DCX: variants seen among roughly 807,000 people sequenced by gnomAD.
The protein encoded by DCX is neuronal migration protein doublecortin.
Under a neutral mutation model 20.9 loss-of-function variants are expected in DCX, and 4 were observed. The observed-to-expected ratio is 0.19, with a 90% confidence interval of 0.09 to 0.44. The LOEUF (loss-of-function observed/expected upper bound fraction) is 0.44, where lower values mean the gene tolerates loss of function less well. Among genes scored for constraint, DCX ranks in the 20% least tolerant of loss-of-function variants. DCX has a pLI of 0.99. For missense variants in DCX, 133 were observed against 296.9 expected (o/e 0.45, Z 4.06); for synonymous variants, 103 against 111.4 (o/e 0.92, Z 0.47).
intron 3 of DCX, among the ~76,000 whole-genome samples, chrX:111,390,902 G>T (rs1290200238): frequency 9.2e-6 from 1 of 109,042 alleles, no homozygotes; most frequent in African/African-American, 3.4e-5. Flanking sequence ...AAGAAGCTGA[G>T]GCTGAGGTGG....
chrX:111,355,912 C>T (rs1235916380), intron 3 of DCX, among the ~76,000 whole-genome samples: 5 of 111,619 alleles, frequency 4.5e-5, no homozygotes, highest in Non-Finnish European at 7.5e-5. Context: ...TAGTCATGGC[C>T]CCTGACCATT....
At position 111,331,003 on chromosome X, in the gene DCX, C is replaced by G; in HGVS notation, c.847G>C (p.Gly283Arg). 2 of 1,211,692 alleles carry G rather than the reference C, an allele frequency of 1.7e-6. No individual in the cohort carries two copies. The highest frequency in any genetic ancestry group is 2.2e-6 in the Non-Finnish European group (2 of 895,404). ...TGAGGTGTTGGGGATGCCTTTGGGC[C>G]AGCTGTGGCTGATGGGTTTCCCTTC... ...VMKGNPSATA[G>R]PKASPTPQKT... Residue 283 changes from glycine (G) to arginine (R), a missense_variant, in exon 5 of 7, where the codon GGC (glycine) becomes CGC (arginine). Physicochemically the swap from Gly to Arg is moderately radical, Grantham distance 125 (BLOSUM62 -2). Coordinates refer to ENST00000636035, the MANE Select transcript of DCX (RefSeq NM_001195553.2).
At chrX:111,303,340 C>A (rs961063322) in intron 6 of DCX, among the ~76,000 whole-genome samples, 2 of 110,116 alleles carry the variant, frequency 1.8e-5, no homozygotes, top group Non-Finnish European at 3.8e-5. Flanking sequence ...CACCCCCACC[C>A]CCACCGCCTT....
At chrX:111,355,021 G>T (rs1923615453) in intron 3 of DCX, among the ~76,000 whole-genome samples, 1 of 112,344 alleles carries the variant, frequency 8.9e-6, no homozygotes, top group Non-Finnish European at 1.9e-5. Flanking sequence ...GAGACAAGCT[G>T]CAGCCTTTTC....
At chrX:111,392,730 T>G (rs1024916971) in intron 3 of DCX, among the ~76,000 whole-genome samples, 1 of 112,004 alleles carries the variant, frequency 8.9e-6, no homozygotes, top group African/African-American at 3.2e-5. Context: ...TGTGAGCATA[T>G]TAAAATCATT....
rs2095020718 is a variant in DCX, at chrX:111,296,360, A to G, written c.*5327T>C. 1 of 111,615 alleles carries G rather than the reference A, an allele frequency of 9.0e-6. No individual in the cohort carries two copies. Among genetic ancestry groups the G allele is most frequent in the Admixed American group, 9.5e-5 (1 of 10,519 alleles). The allele number at this position is 111,615 out of a possible 1,213,427, so 9.2% of individuals were successfully genotyped here. A position where few individuals can be genotyped will look rare whatever the true frequency, so the allele number is the denominator to read the frequency against. ...GAGCAGAAAGATGCCTTAATTACCA[A>G]TTGGAATTCTATACTCCCCTAGTCT... On this transcript the variant is annotated 3_prime_UTR_variant, in exon 7 of 7. Coordinates refer to ENST00000636035, the MANE Select transcript of DCX (RefSeq NM_001195553.2).
rs748055520 is a variant in DCX at position 111,296,765 on chromosome X, CAAAAAAAAAAA to C, written c.*4911_*4921del. The stretch of plus-strand genomic sequence containing the variant: ...CCTAGGTGACAGAGGGAGACTCAGT[CAAAAAAAAAAA>C]AAAAAAAAAGTTAGTCTTGTCAAAT... On this transcript the variant is annotated 3_prime_UTR_variant, in exon 7 of 7. Transcript: ENST00000636035. 2.7e-5 allele frequency: 1 copy of C among 37,662 alleles called. No homozygotes were observed. The highest frequency in any genetic ancestry group is 5.5e-5 in the Non-Finnish European group (1 of 18,227). 3.1% of individuals were successfully genotyped at this position (37,662 alleles called of 1,213,427 possible).
chrX:111,375,947 GACA>G (rs1925499859), intron 3 of DCX, among the ~76,000 whole-genome samples: 1 of 111,919 alleles, frequency 8.9e-6, no homozygotes, highest in Non-Finnish European at 1.9e-5. Flanking sequence ...CAGCACCATG[GACA>G]ACACTATCAG....
chrX:111,350,822 T>G (rs2147671942), intron 3 of DCX, among the ~76,000 whole-genome samples: 1 of 112,271 alleles, frequency 8.9e-6, no homozygotes, highest in Non-Finnish European at 1.9e-5. Flanking sequence ...AGAAAGAGGT[T>G]TAACTGACTC....
intron 3 of DCX, among the ~76,000 whole-genome samples, chrX:111,397,826 C>T (rs866669811): frequency 9.2e-6 from 1 of 109,215 alleles, no homozygotes; most frequent in African/African-American, 3.3e-5. Context: ...TGTATATATA[C>T]ATACATATAC....
At chrX:111,406,115 A>G (rs774693099) in intron 2 of DCX, among the ~76,000 whole-genome samples, 1 of 112,289 alleles carries the variant, frequency 8.9e-6, no homozygotes, top group Admixed American at 9.4e-5. Flanking sequence ...AACTCCTACC[A>G]CTTTAGTTAG....
chrX:111,369,848 A>T (rs1301971797), intron 3 of DCX, among the ~76,000 whole-genome samples: 2 of 111,750 alleles, frequency 1.8e-5, no homozygotes, highest in African/African-American at 6.5e-5. Flanking sequence ...TTTAGGGTCC[A>T]CAACAGAGTC....
rs779704641 is a variant in DCX, at chrX:111,324,270, TC to T, written c.946+6633del. Among the ~76,000 whole-genome samples, 176 of 111,236 alleles carry T rather than the reference TC, an allele frequency of 1.6e-3. 1 individual carries two copies. Among genetic ancestry groups the T allele is most frequent in the African/African-American group, 5.5e-3 (168 of 30,630 alleles). On this transcript the variant is annotated intron_variant, in intron 5 of 6. Coordinates refer to ENST00000636035, the MANE Select transcript of DCX (RefSeq NM_001195553.2). ...CATGCTTCCCTGACAGCCAGAAGTA[TC>T]CATCTCCTTATCAATTTACATATAG...
chrX:111,386,747 C>T (rs1926550171), intron 3 of DCX, among the ~76,000 whole-genome samples: 2 of 111,474 alleles, frequency 1.8e-5, no homozygotes, highest in Admixed American at 1.9e-4. Context: ...TGCTAATCAA[C>T]TTTCACTCCA....
In DCX at chrX:111,368,307, T is replaced by G. The variant is rs189857852; in HGVS notation, c.705+32683A>C. On this transcript the variant is annotated intron_variant, in intron 3 of 6. Coordinates refer to ENST00000636035, the MANE Select transcript of DCX (RefSeq NM_001195553.2). ...AGATAACTGTGGTTTTAACACCAGC[T>G]CTTCCAAAACCATAGTCTGCACTTC... is the stretch of plus-strand genomic sequence containing the variant. 3.4e-3 allele frequency among the ~76,000 whole-genome samples: 375 copies of G among 111,612 alleles called. 3 individuals are homozygous for G. The highest frequency in any genetic ancestry group is 0.012 in the African/African-American group (354 of 30,739).
At chrX:111,407,613 C>T (rs1928301014) in intron 2 of DCX, among the ~76,000 whole-genome samples, 1 of 111,662 alleles carries the variant, frequency 9.0e-6, no homozygotes, top group African/African-American at 3.3e-5. Flanking sequence ...GCCCTATTCA[C>T]ACTTCACATA....
In DCX at chrX:111,299,738, C is replaced by T. The variant is rs1453737316; in HGVS notation, c.*1949G>A. 1 of 111,379 alleles carries T rather than the reference C, an allele frequency of 9.0e-6. No individual in the cohort carries two copies. The highest frequency in any genetic ancestry group is 1.9e-5 in the Non-Finnish European group (1 of 53,072). The allele number at this position is 111,379 out of a possible 1,213,427, so 9.2% of individuals were successfully genotyped here. A position where few individuals can be genotyped will look rare whatever the true frequency, so the allele number is the denominator to read the frequency against. ...GGGTCTACAAAAAAAGGAGAGGGGG[C>T]AAAAAGAGATCCTCATCATTTGGGG... is the stretch of plus-strand genomic sequence containing the variant. On this transcript the variant is annotated 3_prime_UTR_variant, in exon 7 of 7. Transcript: ENST00000636035.
chrX:111,376,236 A>G (rs1925522463), intron 3 of DCX, among the ~76,000 whole-genome samples: 1 of 111,811 alleles, frequency 8.9e-6, no homozygotes, highest in Non-Finnish European at 1.9e-5. Flanking sequence ...GTAGTAACAC[A>G]CCCCGCACAG....
At chrX:111,384,002 G>A (rs1188174294) in intron 3 of DCX, among the ~76,000 whole-genome samples, 1 of 111,418 alleles carries the variant, frequency 9.0e-6, no homozygotes, top group African/African-American at 3.3e-5. Context: ...AGGGGTTAAA[G>A]GACGGCTGAA....
Sources: allele counts gnomAD v4.1 joint callset (sites outside exome capture counted in the v4.1 genomes callset), GRCh38; gene constraint gnomAD v4.1.1; transcripts MANE v1.5; gene names NCBI Gene and HGNC (gene_info 2026-07-23, HGNC 2026-07-21).